Variants in PPFIA1 observed in about 807,000 individuals in gnomAD.
PPFIA1 encodes the protein PPFI scaffold protein A1, also known as liprin-alpha-1.
In PPFIA1, 25 loss-of-function variants were observed where a neutral mutation model predicts 149.9. The ratio of observed to expected loss-of-function variants is 0.17; its 90% CI spans 0.12 to 0.23. The LOEUF is 0.23. PPFIA1 is among the 10% of genes least tolerant of loss of function. PPFIA1 has a pLI of 1.00. For missense variants in PPFIA1, 1,362 were observed against 1,506.5 expected, an observed-to-expected ratio of 0.90 and a Z score of 1.59; for synonymous variants, 549 against 552.8, an observed-to-expected ratio of 0.99 and a Z score of 0.10.
chr11:70,330,511 A>G (rs2054590775), intron 8 of PPFIA1, among the ~76,000 whole-genome samples, 192 bp downstream of exon 8: 1 of 152,194 alleles, frequency 6.6e-6, no homozygotes, highest in Admixed American at 6.5e-5. Flanking sequence ...GATTTAACCA[A>G]TTTTGTCCTC....
intron 2 of PPFIA1, among the ~76,000 whole-genome samples, chr11:70,291,832 G>A (rs549264668): frequency 1.5e-5 from 2 of 133,486 alleles, no homozygotes; most frequent in African/African-American, 5.3e-5. Flanking sequence ...CACCACGCCT[G>A]GCTAATTTTT....
rs542674460 is a variant in PPFIA1, at chr11:70,293,823, C to T, written c.264+21387C>T. Reference sequence around the variant, plus strand: ...TGAGACCCTCAGCCTCTGCTTTACCCTGCCCTCGAAGGGGTCCTAGGAAGA... The same window carrying T: ...TGAGACCCTCAGCCTCTGCTTTACCTTGCCCTCGAAGGGGTCCTAGGAAGA... On this transcript the variant is annotated intron_variant, in intron 2 of 27. Transcript: ENST00000253925. 2.0e-5 allele frequency among the ~76,000 whole-genome samples: 3 copies of T among 152,296 alleles called. No homozygotes were observed. In the South Asian group the frequency reaches 6.2e-4, roughly 32 times the overall value.
At chr11:70,350,980 C>T in intron 16 of PPFIA1, 1 of 1,251,468 alleles carries the variant, frequency 8.0e-7, no homozygotes, top group Non-Finnish European at 1.0e-6. Context: ...CATTTCTTTG[C>T]ATGCATCTAT....
intron 2 of PPFIA1, among the ~76,000 whole-genome samples, chr11:70,301,659 A>T (rs1468726261): frequency 6.6e-6 from 1 of 152,228 alleles, no homozygotes; most frequent in Non-Finnish European, 1.5e-5. Flanking sequence ...GCTTGAATTA[A>T]TAGGGGTACT....
chr11:70,320,087 C>A (rs2053847591), intron 2 of PPFIA1: 1 of 152,210 alleles, frequency 6.6e-6, no homozygotes, highest in Non-Finnish European at 1.5e-5. Flanking sequence ...GCTGCAGCGG[C>A]CAGCATAGAC....
At position 70,372,353 on chromosome 11, in the gene PPFIA1, C is replaced by T. The variant is rs752961607; in HGVS notation, c.3004C>T (p.Leu1002Phe). 12 of 1,614,208 alleles carry T rather than the reference C, an allele frequency of 7.4e-6. No individual in the cohort carries two copies. The South Asian group carries it at 9.9e-5, about 13-fold the overall frequency. Residue 1002 changes from leucine (L) to phenylalanine (F), a missense_variant, in exon 22 of 28, where the codon CTT becomes TTT. By Grantham distance (22) the Leu-to-Phe change is conservative. Transcript: ENST00000253925. ...RMLDHLTKKD[L>F]RGQLKMVDSF... is the part of the protein sequence containing the mutation. ...GCTGGACCACTTGACCAAGAAAGAC[C>T]TTCGAGGGCAGCTGAAAATGGTCGA...
intron 2 of PPFIA1, among the ~76,000 whole-genome samples, chr11:70,316,260 C>T (rs1054628610): frequency 6.6e-6 from 1 of 152,054 alleles, no homozygotes; most frequent in African/African-American, 2.4e-5. Context: ...TTAGTAGAGA[C>T]GAGGTTTTGC....
At chr11:70,305,885 GT>G (rs1351615332) in intron 2 of PPFIA1, among the ~76,000 whole-genome samples, 3 of 152,158 alleles carry the variant, frequency 2.0e-5, no homozygotes, top group African/African-American at 4.8e-5. Context: ...CTAGTGATAA[GT>G]TTATGGTTAT....
intron 21 of PPFIA1, among the ~76,000 whole-genome samples, chr11:70,368,057 GAGCCCGGAA>G: frequency 6.6e-6 from 1 of 152,264 alleles, no homozygotes; most frequent in South Asian, 2.1e-4. Context: ...AAAATCGCTT[GAGCCCGGAA>G]AGTGGACGTT....
chr11:70,341,311 G>A (rs2055315090), intron 14 of PPFIA1, among the ~76,000 whole-genome samples: 1 of 151,192 alleles, frequency 6.6e-6, no homozygotes, highest in Non-Finnish European at 1.5e-5. Flanking sequence ...GCGTGAAGGA[G>A]GAAGGAGAAG....
chr11:70,354,019 G>T (rs1314808548), intron 16 of PPFIA1, among the ~76,000 whole-genome samples: 3 of 152,176 alleles, frequency 2.0e-5, no homozygotes, highest in Non-Finnish European at 4.4e-5. Context: ...GGATTCCGGG[G>T]AGGGCAGAAC....
chr11:70,351,700 G>A (rs2056065476), intron 16 of PPFIA1, among the ~76,000 whole-genome samples: 5 of 152,290 alleles, frequency 3.3e-5, no homozygotes, highest in Admixed American at 2.6e-4. Context: ...ATCCCTGTGA[G>A]GTTACTGTTG....
chr11:70,286,923 CAT>C (rs1192643134), intron 2 of PPFIA1, among the ~76,000 whole-genome samples: 1 of 141,720 alleles, frequency 7.1e-6, no homozygotes, highest in Non-Finnish European at 1.5e-5. Flanking sequence ...TGTATACACA[CAT>C]ATATATACAC....
At position 70,384,142 on chromosome 11, in the gene PPFIA1, A is replaced by G. The variant is rs372708361; in HGVS notation, c.*1152A>G. The G allele has an allele frequency of 7.8e-4, 119 of 152,380 alleles. No homozygotes were observed. The highest frequency in any genetic ancestry group is 2.7e-3 in the African/African-American group (113 of 41,594). 9.4% of individuals were successfully genotyped at this position (152,380 alleles called of 1,614,324 possible). A position where few individuals can be genotyped will look rare whatever the true frequency, so the allele number is the denominator to read the frequency against. On this transcript the variant is annotated 3_prime_UTR_variant, in exon 28 of 28. Coordinates refer to ENST00000253925, the MANE Select transcript of PPFIA1 (RefSeq NM_003626.5). ...TTTTTAAATGGCATATTAACAAGCC[A>G]GCAAAGTGTGTCAGACCATGGCGTG...
chr11:70,308,477 A>G (rs1174316824), intron 2 of PPFIA1, among the ~76,000 whole-genome samples: 3 of 152,256 alleles, frequency 2.0e-5, no homozygotes, highest in Non-Finnish European at 1.5e-5. Flanking sequence ...AAAATATTTT[A>G]TATTCCTGTA....
In PPFIA1 at chr11:70,375,040, T is replaced by C. The variant is rs772332744; in HGVS notation, c.3262T>C (p.Phe1088Leu). The stretch of plus-strand genomic sequence containing the variant: ...AGCACTTCTGGCCTTAGATGAAACC[T>C]TCGACTTCAGTGCACTGGCACTGCT... ...HGALLALDETFDFSALALLLQ... is the reference protein window; with the variant it reads ...HGALLALDETLDFSALALLLQ... Residue 1088 changes from phenylalanine (F) to leucine (L), a missense_variant, in exon 24 of 28, where the codon TTC (phenylalanine) becomes CTC (leucine). Phe to Leu is a conservative substitution (Grantham distance 22). Transcript: ENST00000253925. 6.2e-7 allele frequency: 1 copy of C among 1,613,732 alleles called. No individual in the cohort carries two copies. The highest frequency in any genetic ancestry group is 1.7e-5 in the Admixed American group (1 of 59,836).
chr11:70,378,629 G>A, intron 26 of PPFIA1: 1 of 228,972 alleles, frequency 4.4e-6, no homozygotes, highest in Non-Finnish European at 7.3e-6. Context: ...ACAGTTTCCA[G>A]CTTGTGTGAG....
At chr11:70,274,749 C>T (rs1245345415) in intron 2 of PPFIA1, among the ~76,000 whole-genome samples, 2 of 151,684 alleles carry the variant, frequency 1.3e-5, no homozygotes, top group Non-Finnish European at 2.9e-5. Context: ...GATAGGGTCT[C>T]ACTCTGTTGC....
intron 7 of PPFIA1, among the ~76,000 whole-genome samples, chr11:70,328,074 A>G (rs760415095): frequency 6.6e-6 from 1 of 152,172 alleles, no homozygotes. Flanking sequence ...TATCACTTTT[A>G]TTTTTTAATT....
Sources: gnomAD v4.1 joint callset for allele counts (sites outside exome capture counted in the v4.1 genomes callset) on GRCh38, gnomAD v4.1.1 for gene constraint, MANE v1.5 for transcripts, NCBI Gene and HGNC (gene_info 2026-07-23, HGNC 2026-07-21) for gene names.